The following RGS20 variants were observed in gnomAD, a reference collection of about 807,000 sequenced individuals.
RGS20 encodes the protein gz-selective GTPase-activating protein.
Under a neutral mutation model 33.6 loss-of-function variants are expected in RGS20, and 30 were observed. The ratio of observed to expected loss-of-function variants is 0.89; its 90% CI spans 0.67 to 1.21. The LOEUF is 1.21. Among genes scored for constraint, RGS20 ranks in the 50% most tolerant of loss-of-function variants. The probability of loss-of-function intolerance (pLI) is 0.00; values close to 1 mark genes in which losing one functional copy is unlikely to be tolerated. For missense variants in RGS20, 472 were observed against 502.4 expected (o/e 0.94, Z 0.58); for synonymous variants, 208 against 197.9 (o/e 1.05, Z -0.43).
intron 2 of RGS20, chr8:53,914,738 A>G (rs747124867): frequency 3.3e-5 from 5 of 152,226 alleles, no homozygotes; most frequent in Non-Finnish European, 5.9e-5. Flanking sequence ...TCAGCAGCAC[A>G]TATACTAAAA....
chr8:53,937,162 A>AG (rs1280201545), intron 2 of RGS20, among the ~76,000 whole-genome samples: 2 of 152,110 alleles, frequency 1.3e-5, no homozygotes, highest in Non-Finnish European at 2.9e-5. Context: ...GGAGAGGGGA[A>AG]GGATAGCATT....
chr8:53,958,340 ATGATGCTCAACTTCAGATTTACACCC>A lies in RGS20; in HGVS notation c.1056_1081del (p.Leu354ArgfsTer13), dbSNP rs1282082915. 1.9e-6 allele frequency: 3 copies of A among 1,613,944 alleles called. No homozygotes were observed. The highest frequency in any genetic ancestry group is 2.5e-6 in the Non-Finnish European group (3 of 1,179,918). On this transcript the variant is annotated frameshift_variant, in exon 6 of 6. Coordinates refer to ENST00000297313, the MANE Select transcript of RGS20 (RefSeq NM_170587.4). LOFTEE classifies it high-confidence loss of function. ...GTGGAGCCATCCCAACACATATTCG[ATGATGCTCAACTTCAGATTTACACCC>A]TGATGCACAGAGACTCATATCCTCG...
intron 4 of RGS20, among the ~76,000 whole-genome samples, chr8:53,947,130 T>C (rs1012341576): frequency 2.0e-5 from 3 of 147,008 alleles, no homozygotes; most frequent in African/African-American, 4.9e-5. Context: ...TATACTTATA[T>C]ATGCTATATA....
At chr8:53,876,076 TAAA>T (rs1261707446) in intron 1 of RGS20, 1 of 152,246 alleles carries the variant, frequency 6.6e-6, no homozygotes, top group Non-Finnish European at 1.5e-5. Flanking sequence ...ATAATGTGAC[TAAA>T]CTACAGCAAA....
intron 2 of RGS20, among the ~76,000 whole-genome samples, chr8:53,925,847 C>T (rs1813781511): frequency 6.6e-6 from 1 of 152,138 alleles, no homozygotes; most frequent in Non-Finnish European, 1.5e-5. Context: ...AAAGATGTTA[C>T]TAACGGAGGC....
At chr8:53,942,953 G>A (rs1814349847) in intron 3 of RGS20, among the ~76,000 whole-genome samples, 1 of 152,030 alleles carries the variant, frequency 6.6e-6, no homozygotes, top group African/African-American at 2.4e-5. Flanking sequence ...CTATGATCAT[G>A]CTACTGCACT....
chr8:53,867,707 CTTTG>C (rs1238028371), intron 1 of RGS20, among the ~76,000 whole-genome samples: 15 of 150,480 alleles, frequency 1.0e-4, no homozygotes, highest in African/African-American at 2.7e-4. Context: ...TCCTTCCTTT[CTTTG>C]TTTCTTTCCT....
chr8:53,880,675 G>C (rs114867235), intron 2 of RGS20, among the ~76,000 whole-genome samples, 197 bp from the exon 1 acceptor site: 12,912 of 152,140 alleles, frequency 0.085, 1,165 homozygotes, highest in East Asian at 0.32. Context: ...CGCGCGCCTG[G>C]CTTCGCATCC....
At chr8:53,873,994 T>G (rs1481409642) in intron 1 of RGS20, among the ~76,000 whole-genome samples, 1 of 151,092 alleles carries the variant, frequency 6.6e-6, no homozygotes, top group African/African-American at 2.4e-5. Flanking sequence ...AGAACAGGAG[T>G]TCAAGACCAG....
rs148797373 is a variant in RGS20 at position 53,872,780 on chromosome 8, C to G, written c.166-6478C>G. ...ATGAGAGAATAAAGAGTAATTAACT[C>G]TGCCGTCCTTCCTCCCTGAATGGAC... On this transcript the variant is annotated intron_variant, in intron 1 of 5. Transcript: ENST00000297313. Among the ~76,000 whole-genome samples the G allele has an allele frequency of 2.6e-5, 4 of 152,322 alleles. No individual in the cohort carries two copies. In the East Asian group the frequency reaches 7.7e-4, roughly 29 times the overall value.
chr8:53,901,022 G>A (rs1411912094), intron 2 of RGS20, among the ~76,000 whole-genome samples: 2 of 150,850 alleles, frequency 1.3e-5, no homozygotes, highest in African/African-American at 4.9e-5. Flanking sequence ...CTCGACCTCG[G>A]TCTACCAACA....
At chr8:53,884,013 G>A (rs1438050927) in intron 2 of RGS20, among the ~76,000 whole-genome samples, 1 of 151,582 alleles carries the variant, frequency 6.6e-6, no homozygotes, top group Non-Finnish European at 1.5e-5. Flanking sequence ...ATAACATAGA[G>A]CTCTTATAAC....
At chr8:53,882,800 C>T (rs113096351) in intron 2 of RGS20, among the ~76,000 whole-genome samples, 11 of 152,304 alleles carry the variant, frequency 7.2e-5, no homozygotes, top group African/African-American at 2.4e-4. Context: ...AATTAGGCAC[C>T]TGCACGCGGG....
intron 4 of RGS20, among the ~76,000 whole-genome samples, chr8:53,948,143 G>C (rs1814580363): frequency 1.5e-5 from 2 of 130,098 alleles, no homozygotes; most frequent in South Asian, 4.9e-4. Flanking sequence ...CTATATATAT[G>C]ATATAGTATA....
At chr8:53,882,580 C>T (rs566884102) in intron 2 of RGS20, among the ~76,000 whole-genome samples, 16 of 149,508 alleles carry the variant, frequency 1.1e-4, no homozygotes, top group Non-Finnish European at 2.1e-4. Context: ...CTGTCCGTCT[C>T]GTAACTTGGC....
chr8:53,937,307 A>G (rs1814163685), intron 2 of RGS20, among the ~76,000 whole-genome samples: 1 of 151,676 alleles, frequency 6.6e-6, no homozygotes, highest in South Asian at 2.1e-4. Flanking sequence ...ATAAATAAAT[A>G]AATAAACATA....
chr8:53,929,101 G>GA (rs1412833699), intron 2 of RGS20, among the ~76,000 whole-genome samples: 1 of 152,170 alleles, frequency 6.6e-6, no homozygotes, highest in African/African-American at 2.4e-5. Context: ...CAAATTAATG[G>GA]ATATAGAGAG....
chr8:53,901,154 G>A lies in RGS20; in HGVS notation c.510+21552G>A, dbSNP rs139796310. 4.4e-3 allele frequency among the ~76,000 whole-genome samples: 627 copies of A among 143,676 alleles called. 3 individuals carry two copies. Among genetic ancestry groups the A allele is most frequent in the African/African-American group, 0.012 (478 of 38,590 alleles). 94.3% of individuals were successfully genotyped at this position (143,676 alleles called of 152,430 possible). Reference sequence around the variant, plus strand: ...TCAATCTCAGCTCACTACAACCTCCGCCTTGCAAGTTCAAGTGATTCTCCT... The same window carrying A: ...TCAATCTCAGCTCACTACAACCTCCACCTTGCAAGTTCAAGTGATTCTCCT... On this transcript the variant is annotated intron_variant, in intron 2 of 5. Transcript: ENST00000297313.
chr8:53,890,901 G>A (rs1257395155), intron 2 of RGS20, among the ~76,000 whole-genome samples: 1 of 152,112 alleles, frequency 6.6e-6, no homozygotes, highest in Admixed American at 6.5e-5. Flanking sequence ...TTGTTCCTTG[G>A]GAATTTTCTC....
Sources: allele counts gnomAD v4.1 joint callset (sites outside exome capture counted in the v4.1 genomes callset), GRCh38; gene constraint gnomAD v4.1.1; transcripts MANE v1.5; gene names NCBI Gene and HGNC (gene_info 2026-07-23, HGNC 2026-07-21).